RAB27B: variants seen among roughly 807,000 people sequenced by gnomAD.
The protein encoded by RAB27B is ras-related protein Rab-27B.
In RAB27B, 15 loss-of-function variants were observed where a neutral mutation model predicts 24.6. The ratio of observed to expected loss-of-function variants is 0.61; its 90% CI spans 0.41 to 0.94. RAB27B has a LOEUF of 0.94. Ranked by LOEUF, RAB27B falls within the 40% of genes least tolerant of loss-of-function variation. The pLI is 0.00. For synonymous variants in RAB27B, 105 were observed against 92.5 expected, an observed-to-expected ratio of 1.14 and a Z score of -0.78; for missense variants, 261 against 266.8, an observed-to-expected ratio of 0.98 and a Z score of 0.15.
intron 2 of RAB27B, among the ~76,000 whole-genome samples, chr18:54,785,436 G>GT (rs59750951): frequency 0.85 from 86,020 of 101,660 alleles, 37,356 homozygotes; most frequent in Non-Finnish European, 0.94. Flanking sequence ...CCTTCCTCAG[G>GT]TTTTTTTTTT....
chr18:54,726,953 A>G (rs1266345326), intron 2 of RAB27B, among the ~76,000 whole-genome samples: 1 of 152,138 alleles, frequency 6.6e-6, no homozygotes, highest in African/African-American at 2.4e-5. Context: ...TCAAAATAAG[A>G]TTTTAGTTTT....
chr18:54,803,082 A>C (rs959070478), intron 2 of RAB27B, among the ~76,000 whole-genome samples: 16 of 152,234 alleles, frequency 1.1e-4, no homozygotes, highest in African/African-American at 3.4e-4. Flanking sequence ...TTCTTTCCTT[A>C]TGAATGTATA....
intron 2 of RAB27B, among the ~76,000 whole-genome samples, chr18:54,752,869 C>T (rs1907879108): frequency 6.6e-6 from 1 of 152,132 alleles, no homozygotes; most frequent in East Asian, 1.9e-4. Flanking sequence ...ATCCACTTGG[C>T]TGTCTACTTT....
At chr18:54,762,826 A>T (rs1908235007) in intron 2 of RAB27B, among the ~76,000 whole-genome samples, 2 of 152,060 alleles carry the variant, frequency 1.3e-5, no homozygotes, top group Non-Finnish European at 2.9e-5. Flanking sequence ...CCATTCGCAT[A>T]TTACAGCTCC....
chr18:54,791,525 G>C (rs1342793659), intron 2 of RAB27B, among the ~76,000 whole-genome samples: 2 of 152,200 alleles, frequency 1.3e-5, no homozygotes, highest in Non-Finnish European at 2.9e-5. Context: ...CCTGGGAAGG[G>C]AAGAGTGTGA....
chr18:54,757,888 A>G (rs1908056896), intron 2 of RAB27B, among the ~76,000 whole-genome samples: 1 of 152,106 alleles, frequency 6.6e-6, no homozygotes, highest in Non-Finnish European at 1.5e-5. Flanking sequence ...GAAATTACAA[A>G]TTCTTTTAAA....
intron 2 of RAB27B, among the ~76,000 whole-genome samples, chr18:54,767,263 T>C (rs1183751763): frequency 6.6e-6 from 1 of 152,144 alleles, no homozygotes; most frequent in Admixed American, 6.6e-5. Context: ...GTAAATAACA[T>C]GGAAAGGCAA....
chr18:54,891,109 A>G lies in RAB27B; in HGVS notation c.*1696A>G, dbSNP rs1277602759. On this transcript the variant is annotated 3_prime_UTR_variant, in exon 6 of 6. Coordinates refer to ENST00000262094, the MANE Select transcript of RAB27B (RefSeq NM_004163.4). ...ATTTTTTGTGAAGTTATACACATTG[A>G]AGACCCTAAAAATCCCAGTCCATCA... The G allele has an allele frequency of 6.6e-6, 1 of 151,972 alleles. No individual in the cohort carries two copies. Among genetic ancestry groups the G allele is most frequent in the Non-Finnish European group, 1.5e-5 (1 of 67,996 alleles). The allele number at this position is 151,972 out of a possible 1,614,324, so 9.4% of individuals were successfully genotyped here. A position where few individuals can be genotyped will look rare whatever the true frequency, so the allele number is the denominator to read the frequency against.
In RAB27B at chr18:54,816,027, T is replaced by C. The variant is rs1044611867; in HGVS notation, c.-19-61540T>C. ...TATCAGGTTTAAATATCGAAACCCC[T>C]ATCTTTTTCAACTGGCTTAATATAG... On this transcript the variant is annotated intron_variant, in intron 2 of 4. Coordinates refer to the RAB27B transcript ENST00000586570. Among the ~76,000 whole-genome samples the C allele has an allele frequency of 2.0e-5, 3 of 152,356 alleles. No homozygotes were observed. In the South Asian group the frequency reaches 6.2e-4, roughly 32 times the overall value.
chr18:54,740,358 T>A (rs1416727013), intron 2 of RAB27B, among the ~76,000 whole-genome samples: 1 of 152,200 alleles, frequency 6.6e-6, no homozygotes, highest in Non-Finnish European at 1.5e-5. Flanking sequence ...AAGGAAATGA[T>A]GAGTCATTCT....
intron 2 of RAB27B, among the ~76,000 whole-genome samples, chr18:54,803,802 T>G (rs1482045778): frequency 1.3e-5 from 2 of 152,306 alleles, no homozygotes; most frequent in Non-Finnish European, 2.9e-5. Flanking sequence ...AACCACTCAC[T>G]GGGTTGATGA....
chr18:54,854,456 C>T (rs987339494), intron 1 of RAB27B, among the ~76,000 whole-genome samples: 1 of 152,152 alleles, frequency 6.6e-6, no homozygotes, highest in Non-Finnish European at 1.5e-5. Flanking sequence ...ATATGTTGTG[C>T]CTCTTTTTAC....
At chr18:54,772,885 C>A (rs529356200) in intron 2 of RAB27B, among the ~76,000 whole-genome samples, 32 of 152,124 alleles carry the variant, frequency 2.1e-4, no homozygotes, top group Non-Finnish European at 4.3e-4. Flanking sequence ...TTTCTTTGTA[C>A]AACTTTCCCT....
chr18:54,781,956 C>T (rs73960630), intron 2 of RAB27B, among the ~76,000 whole-genome samples: 9,875 of 152,168 alleles, frequency 0.065, 422 homozygotes, highest in African/African-American at 0.1. Context: ...ATAATGTGCC[C>T]ACTAAGCTTT....
chr18:54,728,007 A>G (rs2144984905), intron 2 of RAB27B, among the ~76,000 whole-genome samples: 1 of 152,338 alleles, frequency 6.6e-6, no homozygotes, highest in African/African-American at 2.4e-5. Context: ...GGTCTCTGCA[A>G]GGGCTCTGAA....
chr18:54,883,779 T>C (rs1388574342), intron 3 of RAB27B, among the ~76,000 whole-genome samples: 4 of 152,170 alleles, frequency 2.6e-5, no homozygotes, highest in Non-Finnish European at 5.9e-5. Flanking sequence ...GAATCCTAGA[T>C]GCCAACCTGA....
intron 2 of RAB27B, among the ~76,000 whole-genome samples, chr18:54,796,671 G>A (rs1484767223): frequency 6.6e-6 from 1 of 152,160 alleles, no homozygotes; most frequent in Admixed American, 6.5e-5. Context: ...TTCACCCACT[G>A]TGTGTGTGCC....
chr18:54,824,697 G>C (rs1437915909), upstream of RAB27B, among the ~76,000 whole-genome samples: 1 of 152,212 alleles, frequency 6.6e-6, no homozygotes, highest in Non-Finnish European at 1.5e-5. Flanking sequence ...CCTGCAAGGG[G>C]CTAAGAAATG....
Position 54,850,943 on chromosome 18 carries a change from T to C in RAB27B, c.-20+22243T>C, listed in dbSNP as rs546771913. Among the ~76,000 whole-genome samples the C allele has an allele frequency of 2.0e-5, 3 of 152,236 alleles. No individual in the cohort carries two copies. In the East Asian group the frequency reaches 5.8e-4, roughly 29 times the overall value. On this transcript the variant is annotated intron_variant, in intron 1 of 5. Coordinates refer to ENST00000262094, the MANE Select transcript of RAB27B (RefSeq NM_004163.4). ...AACCTCAGGCCTCCTACTCATTAGC[T>C]GTGTGGTCTTGGGCAAATTATTCAC...
Sources: allele counts gnomAD v4.1 joint callset (sites outside exome capture counted in the v4.1 genomes callset), GRCh38; gene constraint gnomAD v4.1.1; transcripts MANE v1.5; gene names NCBI Gene and HGNC (gene_info 2026-07-23, HGNC 2026-07-21).